PTPRN2: variants seen among roughly 807,000 people sequenced by gnomAD.
The protein encoded by PTPRN2 is protein tyrosine phosphatase receptor type N2, also known as receptor-type tyrosine-protein phosphatase N2.
Under a neutral mutation model 118.8 loss-of-function variants are expected in PTPRN2, and 74 were observed. The ratio of observed to expected loss-of-function variants is 0.62; its 90% CI spans 0.52 to 0.76. The LOEUF (loss-of-function observed/expected upper bound fraction) is 0.76. PTPRN2 is among the 30% of genes least tolerant of loss of function. PTPRN2 has a pLI of 0.00. For synonymous variants in PTPRN2, 641 were observed against 608.0 expected (o/e 1.05, Z -0.80); for missense variants, 1,481 against 1,394.4 (o/e 1.06, Z -0.99).
chr7:157,749,062 C>G (rs1360625070), intron 12 of PTPRN2, among the ~76,000 whole-genome samples: 6 of 113,544 alleles, frequency 5.3e-5, no homozygotes, highest in African/African-American at 1.1e-4. Context: ...CGTCCCTGAG[C>G]TGTGGGCTGT....
chr7:157,737,189 C>T (rs554251442), intron 12 of PTPRN2, among the ~76,000 whole-genome samples: 1 of 152,350 alleles, frequency 6.6e-6, no homozygotes, highest in South Asian at 2.1e-4. Flanking sequence ...CACGTTGCTC[C>T]CCGATTTTAT....
At chr7:157,786,485 T>A (rs75463967) in intron 12 of PTPRN2, among the ~76,000 whole-genome samples, 1 of 152,202 alleles carries the variant, frequency 6.6e-6, no homozygotes, top group African/African-American at 2.4e-5. Context: ...CTGTCCCAGC[T>A]GTGGATGGCA....
intron 10 of PTPRN2, among the ~76,000 whole-genome samples, chr7:158,101,903 C>T (rs1403909681): frequency 6.6e-6 from 1 of 152,160 alleles, no homozygotes; most frequent in Non-Finnish European, 1.5e-5. Flanking sequence ...GCAGAGATGG[C>T]CAAAGCAGTG....
intron 12 of PTPRN2, among the ~76,000 whole-genome samples, chr7:157,806,426 A>ATATATG (rs1380043754): frequency 1.3e-5 from 2 of 152,208 alleles, no homozygotes; most frequent in African/African-American, 4.8e-5. Flanking sequence ...ATGTATCTGT[A>ATATATG]TATATGTATA....
At chr7:158,158,683 G>A (rs1157590309) in intron 6 of PTPRN2, among the ~76,000 whole-genome samples, 1 of 110,344 alleles carries the variant, frequency 9.1e-6, no homozygotes, top group East Asian at 2.8e-4. Context: ...GAGTGAACTC[G>A]GGAGAATCAG....
chr7:157,628,470 T>C (rs1803731496), intron 14 of PTPRN2, among the ~76,000 whole-genome samples: 1 of 152,322 alleles, frequency 6.6e-6, no homozygotes, highest in Middle Eastern at 3.4e-3. Flanking sequence ...GGAACGCACA[T>C]GAACACACTG....
intron 14 of PTPRN2, among the ~76,000 whole-genome samples, chr7:157,648,838 G>A (rs367716178): frequency 2.8e-4 from 35 of 122,848 alleles, no homozygotes; most frequent in East Asian, 3.2e-4. Context: ...TCGGTGGGTC[G>A]GACCCATCCA....
intron 3 of PTPRN2, among the ~76,000 whole-genome samples, chr7:158,256,433 T>C (rs1227542141): frequency 1.3e-5 from 2 of 152,138 alleles, no homozygotes; most frequent in Admixed American, 6.5e-5. Flanking sequence ...TGCAGGGCCA[T>C]TATTCTGGTC....
intron 3 of PTPRN2, among the ~76,000 whole-genome samples, chr7:158,259,137 T>G (rs1390036833): frequency 6.6e-6 from 1 of 152,156 alleles, no homozygotes. Context: ...GAGCTCAGTT[T>G]CCAAATGGAG....
intron 13 of PTPRN2, among the ~76,000 whole-genome samples, chr7:157,665,847 A>G (rs966350315): frequency 6.6e-6 from 1 of 152,230 alleles, no homozygotes; most frequent in Non-Finnish European, 1.5e-5. Context: ...ACATGGATGA[A>G]GCTGGAAACC....
chr7:158,252,310 T>C (rs1796736596), intron 3 of PTPRN2, among the ~76,000 whole-genome samples: 1 of 152,092 alleles, frequency 6.6e-6, no homozygotes, highest in African/African-American at 2.4e-5. Context: ...CAGTGCCAAT[T>C]ACTTGGAGGA....
intron 6 of PTPRN2, among the ~76,000 whole-genome samples, chr7:158,148,531 C>A (rs1820454812): frequency 7.7e-6 from 1 of 129,904 alleles, no homozygotes; most frequent in African/African-American, 3.0e-5. Flanking sequence ...CATCTCACGC[C>A]ACAGGTCTTT....
intron 11 of PTPRN2, among the ~76,000 whole-genome samples, chr7:158,019,226 C>T (rs914861454): frequency 6.6e-6 from 1 of 152,220 alleles, no homozygotes; most frequent in Non-Finnish European, 1.5e-5. Context: ...GGGGCCTCCC[C>T]GATCCTGGGG....
chr7:158,082,896 C>A (rs1812946584), intron 10 of PTPRN2, among the ~76,000 whole-genome samples: 1 of 152,156 alleles, frequency 6.6e-6, no homozygotes, highest in Non-Finnish European at 1.5e-5. Flanking sequence ...CTTCTCGAGC[C>A]CAGGCCCCAG....
At chr7:157,928,912 G>A (rs913772009) in intron 11 of PTPRN2, among the ~76,000 whole-genome samples, 4 of 151,936 alleles carry the variant, frequency 2.6e-5, no homozygotes, top group Non-Finnish European at 4.4e-5. Flanking sequence ...GCCAGGCAGA[G>A]GGCTGGGACA....
chr7:158,318,497 G>A (rs1355744729), intron 2 of PTPRN2, among the ~76,000 whole-genome samples: 3 of 152,160 alleles, frequency 2.0e-5, no homozygotes, highest in Admixed American at 2.0e-4. Context: ...GGGCCAGGAA[G>A]AACCAAAAGC....
chr7:158,443,811 G>T (rs1433418820), intron 2 of PTPRN2, among the ~76,000 whole-genome samples: 1 of 152,176 alleles, frequency 6.6e-6, no homozygotes, highest in Non-Finnish European at 1.5e-5. Flanking sequence ...AGGCTCTGGG[G>T]GTCCTTGTCT....
At chr7:157,602,840 G>A (rs1021021239) in intron 16 of PTPRN2, among the ~76,000 whole-genome samples, 13 of 152,248 alleles carry the variant, frequency 8.5e-5, no homozygotes, top group African/African-American at 2.7e-4. Context: ...CCCTATGGAC[G>A]AGCAAAGAAA....
Position 158,555,851 on chromosome 7 carries a change from C to A in PTPRN2, c.112+31707G>T, listed in dbSNP as rs181629789. Among the ~76,000 whole-genome samples the A allele has an allele frequency of 3.4e-4, 51 of 152,074 alleles. No homozygotes were observed. The highest frequency in any genetic ancestry group is 1.2e-3 in the African/African-American group (50 of 41,498). ...TGAAGACACATCCTATCTTCGAGGA[C>A]CCAGCTCGCAGAGAACAAAATCTGT... On this transcript the variant is annotated intron_variant, in intron 1 of 22. Coordinates refer to ENST00000389418, the MANE Select transcript of PTPRN2 (RefSeq NM_002847.5). This position sits in a 1 kb window ranked among gnomAD's most constrained non-coding sequence, Gnocchi z 4.7.
Sources: gnomAD v4.1 joint callset for allele counts (sites outside exome capture counted in the v4.1 genomes callset) on GRCh38, gnomAD v4.1.1 for gene constraint, Gnocchi (gnomAD v3.1) non-coding constraint, MANE v1.5 for transcripts, NCBI Gene and HGNC (gene_info 2026-07-23, HGNC 2026-07-21) for gene names.